The following XPO6 variants were observed in gnomAD, a reference collection of about 807,000 sequenced individuals.
The protein encoded by XPO6 is exportin-6.
In XPO6, 3 loss-of-function variants were observed where a neutral mutation model predicts 130.0. That is an observed-to-expected ratio of 0.02 (90% CI 0.01 to 0.06). The LOEUF (loss-of-function observed/expected upper bound fraction) is 0.06, where lower values mean the gene tolerates loss of function less well. Among genes scored for constraint, XPO6 ranks in the 10% least tolerant of loss-of-function variants. XPO6 has a pLI of 1.00. For missense variants in XPO6, 970 were observed against 1,393.0 expected, an observed-to-expected ratio of 0.70 and a Z score of 4.83; for synonymous variants, 524 against 548.9, an observed-to-expected ratio of 0.95 and a Z score of 0.63.
At chr16:28,200,549 T>A (rs775635458) in intron 1 of XPO6, among the ~76,000 whole-genome samples, 1 of 151,888 alleles carries the variant, frequency 6.6e-6, no homozygotes, top group Non-Finnish European at 1.5e-5. Flanking sequence ...TGAGCCAAGA[T>A]TGCACCATTG....
Position 28,131,712 on chromosome 16 carries a change from C to T in XPO6, c.1606+622G>A, listed in dbSNP as rs542202531. ...AACTAGTAATAGCACTTACACCTCA[C>T]AGGACGATGGAGAGAATTAAGTAAT... On this transcript the variant is annotated intron_variant, in intron 12 of 23. Transcript: ENST00000304658. Among the ~76,000 whole-genome samples, 6 of 152,194 alleles carry T rather than the reference C, an allele frequency of 3.9e-5. No homozygotes were observed. The South Asian group carries it at 1.2e-3, about 31-fold the overall frequency.
chr16:28,164,680 G>A (rs983782033), intron 6 of XPO6, among the ~76,000 whole-genome samples: 6 of 152,186 alleles, frequency 3.9e-5, no homozygotes, highest in Non-Finnish European at 7.4e-5. Context: ...ATTCCGCTTA[G>A]CCGCATAAAA....
intron 9 of XPO6, among the ~76,000 whole-genome samples, chr16:28,138,473 G>A (rs572594397): frequency 6.6e-5 from 10 of 151,906 alleles, no homozygotes; most frequent in East Asian, 3.9e-4. Flanking sequence ...AAAAAAACCC[G>A]TATCGCTTAG....
At chr16:28,184,892 T>C (rs998617774) in intron 1 of XPO6, among the ~76,000 whole-genome samples, 13 of 152,172 alleles carry the variant, frequency 8.5e-5, no homozygotes, top group African/African-American at 3.1e-4. Flanking sequence ...CATATGCATA[T>C]CTTATGACCC....
chr16:28,123,573 T>C (rs1289273384), intron 13 of XPO6, among the ~76,000 whole-genome samples: 1 of 152,230 alleles, frequency 6.6e-6, no homozygotes, highest in African/African-American at 2.4e-5. Context: ...CAAACTTGTA[T>C]TTGTATTTCT....
intron 2 of XPO6, among the ~76,000 whole-genome samples, chr16:28,178,520 G>A (rs901692793): frequency 2.0e-5 from 3 of 151,876 alleles, no homozygotes; most frequent in Admixed American, 6.6e-5. Context: ...TTAACTCCTG[G>A]CCTCAAGTGA....
intron 7 of XPO6, chr16:28,155,615 T>G (rs1201394350): frequency 6.2e-6 from 1 of 162,072 alleles, no homozygotes; most frequent in African/African-American, 2.4e-5. Context: ...ACAACAACAT[T>G]CCTGAATACT....
chr16:28,117,648 T>C lies in XPO6; in HGVS notation c.1860-186A>G, dbSNP rs529200565. ...AACTAAGATATTCATCATCTAAACA[T>C]TGCCACCGCTGACTAGAGCACAGAA... On this transcript the variant is annotated intron_variant, in intron 14 of 23. Coordinates refer to ENST00000304658, the MANE Select transcript of XPO6 (RefSeq NM_015171.4). 5.9e-5 allele frequency among the ~76,000 whole-genome samples: 9 copies of C among 152,298 alleles called. No homozygotes were observed. In the South Asian group the frequency reaches 1.0e-3, roughly 18 times the overall value.
chr16:28,208,297 T>C (rs1419754353), intron 1 of XPO6, among the ~76,000 whole-genome samples: 1 of 152,218 alleles, frequency 6.6e-6, no homozygotes, highest in Non-Finnish European at 1.5e-5. Flanking sequence ...CTCAAACTTA[T>C]GCCAACTAAT....
intron 6 of XPO6, among the ~76,000 whole-genome samples, chr16:28,162,168 G>T (rs1270008039): frequency 6.6e-6 from 1 of 152,250 alleles, no homozygotes; most frequent in Non-Finnish European, 1.5e-5. Context: ...CATGGTCATG[G>T]AAGTCAGCAT....
At chr16:28,190,568 T>C (rs918133654) in intron 1 of XPO6, among the ~76,000 whole-genome samples, 1 of 151,978 alleles carries the variant, frequency 6.6e-6, no homozygotes, top group Non-Finnish European at 1.5e-5. Context: ...CTAAAGAGCA[T>C]GACAAGTAAA....
At chr16:28,142,328 A>C (rs539977400) in intron 9 of XPO6, among the ~76,000 whole-genome samples, 8 of 152,354 alleles carry the variant, frequency 5.3e-5, no homozygotes, top group African/African-American at 1.9e-4. Context: ...GCAAAACAGC[A>C]TATCTCTGAT....
chr16:28,184,865 GA>G (rs1483561036), intron 1 of XPO6, among the ~76,000 whole-genome samples: 2 of 152,134 alleles, frequency 1.3e-5, no homozygotes, highest in Non-Finnish European at 2.9e-5. Context: ...AACCACTCTA[GA>G]AAACTGACAG....
At chr16:28,157,949 G>A (rs546050589) in intron 6 of XPO6, among the ~76,000 whole-genome samples, 4 of 152,336 alleles carry the variant, frequency 2.6e-5, no homozygotes, top group African/African-American at 9.6e-5. Flanking sequence ...ACAGGCGTGA[G>A]GGGGAGAGCT....
chr16:28,139,661 A>T (rs1260583722), intron 9 of XPO6, among the ~76,000 whole-genome samples: 1 of 152,180 alleles, frequency 6.6e-6, no homozygotes, highest in East Asian at 1.9e-4. Context: ...TATGGTGGTA[A>T]GGTTTCCATA....
chr16:28,199,607 C>T (rs756085531), intron 1 of XPO6, among the ~76,000 whole-genome samples: 1 of 149,770 alleles, frequency 6.7e-6, no homozygotes, highest in Non-Finnish European at 1.5e-5. Flanking sequence ...TGCTCTGTCA[C>T]CCAGGATAAA....
At position 28,103,940 on chromosome 16, in the gene XPO6, C is replaced by T. The variant is rs142286960; in HGVS notation, c.2946+606G>A. 2.0e-5 allele frequency among the ~76,000 whole-genome samples: 3 copies of T among 152,344 alleles called. No individual in the cohort carries two copies. The East Asian group carries it at 5.8e-4, about 29-fold the overall frequency. The stretch of plus-strand genomic sequence containing the variant: ...TCCCCTAGCTAGACTCAGATGAGAA[C>T]GTCAGACACTTGAGTGCAGACCCTG... On this transcript the variant is annotated intron_variant, in intron 21 of 23. Transcript: ENST00000304658.
intron 12 of XPO6, among the ~76,000 whole-genome samples, chr16:28,128,840 T>C (rs905747851): frequency 6.6e-6 from 1 of 152,082 alleles, no homozygotes; most frequent in Non-Finnish European, 1.5e-5. Flanking sequence ...TCCTTGAGGG[T>C]AGAACACAGA....
intron 7 of XPO6, 78 bp from the exon 8 acceptor site, chr16:28,152,863 T>C (rs1251293783): frequency 6.4e-7 from 1 of 1,563,084 alleles, no homozygotes; most frequent in African/African-American, 1.4e-5. Context: ...CAAAGTTCTT[T>C]CAGTACAGAA....
Sources: gnomAD v4.1 joint callset for allele counts (sites outside exome capture counted in the v4.1 genomes callset) on GRCh38, gnomAD v4.1.1 for gene constraint, MANE v1.5 for transcripts, NCBI Gene and HGNC (gene_info 2026-07-23, HGNC 2026-07-21) for gene names.